Variants in ARHGAP23 observed in about 807,000 individuals in gnomAD.
ARHGAP23 encodes the protein Rho GTPase activating protein 23.
Under a neutral mutation model 136.3 loss-of-function variants are expected in ARHGAP23, and 34 were observed. The observed-to-expected ratio is 0.25, with a 90% CI of 0.19 to 0.33. ARHGAP23 has a LOEUF of 0.33. Ranked by LOEUF, ARHGAP23 falls within the 10% of genes least tolerant of loss-of-function variation. The pLI is 1.00. For missense variants in ARHGAP23, 1,808 were observed against 2,139.0 expected (o/e 0.85, Z 3.05); for synonymous variants, 832 against 920.5 (o/e 0.90, Z 1.74).
intron 15 of ARHGAP23, among the ~76,000 whole-genome samples, 166 bp downstream of exon 15, chr17:38,482,309 G>A (rs2040063921): frequency 6.6e-6 from 1 of 152,266 alleles, no homozygotes; most frequent in South Asian, 2.1e-4. Context: ...GCCTCCCAGG[G>A]AGGGAGCAGC....
intron 1 of ARHGAP23, among the ~76,000 whole-genome samples, chr17:38,438,530 T>A (rs1313291523): frequency 1.3e-5 from 2 of 151,950 alleles, no homozygotes. Flanking sequence ...ATCCCGCCCC[T>A]TCCCTCCCCC....
chr17:38,502,147 T>G (rs2040536297), intron 23 of ARHGAP23, among the ~76,000 whole-genome samples: 1 of 151,896 alleles, frequency 6.6e-6, no homozygotes, highest in Non-Finnish European at 1.5e-5. Context: ...CTACTAAAAA[T>G]ACAAAAAAAT....
intron 6 of ARHGAP23, among the ~76,000 whole-genome samples, chr17:38,464,537 T>A (rs1373082299): frequency 6.6e-6 from 1 of 152,134 alleles, no homozygotes. Flanking sequence ...TCTGGAAACC[T>A]CCACCCCTGA....
At chr17:38,428,417 C>A, upstream of ARHGAP23, 1 of 885,112 alleles carries the variant, frequency 1.1e-6, no homozygotes, top group Non-Finnish European at 1.5e-6. Context: ...CGCCCCCGGC[C>A]CCGCCCCTCC....
chr17:38,483,080 A>G (rs989541980), intron 16 of ARHGAP23, among the ~76,000 whole-genome samples: 4 of 152,168 alleles, frequency 2.6e-5, no homozygotes, highest in Admixed American at 2.6e-4. Context: ...TCTCTGTAGA[A>G]GGCAGAGGGT....
intron 2 of ARHGAP23, among the ~76,000 whole-genome samples, chr17:38,458,748 G>A (rs1305335425): frequency 6.6e-6 from 1 of 152,194 alleles, no homozygotes; most frequent in Non-Finnish European, 1.5e-5. Context: ...GGCCCCTGCT[G>A]GCCACAGCTC....
At position 38,485,940 on chromosome 17, in the gene ARHGAP23, C is replaced by G. The variant is rs184781042; in HGVS notation, c.2908-122C>G. 6,494 of 836,052 alleles carry G rather than the reference C, an allele frequency of 7.8e-3. 28 individuals are homozygous for G. Among genetic ancestry groups the G allele is most frequent in the Non-Finnish European group, 0.01 (5,294 of 521,076 alleles). 51.8% of individuals were successfully genotyped at this position (836,052 alleles called of 1,614,324 possible). A position where few individuals can be genotyped will look rare whatever the true frequency, so the allele number is the denominator to read the frequency against. ...TGCCACCATCCTGATGAGTAGAGAG[C>G]TTGGTCTAAGTAGGTCCCAGGGAGG... is the stretch of plus-strand genomic sequence containing the variant. On this transcript the variant is annotated intron_variant, in intron 16 of 23. Coordinates refer to ENST00000622683, the MANE Select transcript of ARHGAP23 (RefSeq NM_001199417.2).
chr17:38,482,368 G>A (rs1266335871), intron 15 of ARHGAP23, among the ~76,000 whole-genome samples, 155 bp from the exon 16 acceptor site: 1 of 152,242 alleles, frequency 6.6e-6, no homozygotes, highest in Non-Finnish European at 1.5e-5. Flanking sequence ...CGAGGCTTTG[G>A]TGTCATTTTT....
At chr17:38,428,246 C>G (rs2144471015), upstream of ARHGAP23, among the ~76,000 whole-genome samples, 1 of 152,194 alleles carries the variant, frequency 6.6e-6, no homozygotes, top group East Asian at 1.9e-4. Flanking sequence ...TGACGTCCAG[C>G]TCTCAGGCAG....
intron 1 of ARHGAP23, among the ~76,000 whole-genome samples, chr17:38,448,859 T>TTTTAA: frequency 1.0e-5 from 1 of 98,550 alleles, no homozygotes; most frequent in African/African-American, 5.8e-5. Flanking sequence ...TTGCCCAGCC[T>TTTTAA]TTTTTTTTTT....
chr17:38,481,762 A>G (rs896470399), intron 14 of ARHGAP23, among the ~76,000 whole-genome samples: 7 of 152,200 alleles, frequency 4.6e-5, no homozygotes, highest in African/African-American at 1.7e-4. Context: ...CTCTAAAGAA[A>G]CAAAGTTCTA....
rs1037664942 is a variant in ARHGAP23 at position 38,512,087 on chromosome 17, T to A, written c.*1115T>A. 7.9e-5 allele frequency: 12 copies of A among 152,224 alleles called. No homozygotes were observed. Among genetic ancestry groups the A allele is most frequent in the African/African-American group, 2.4e-4 (10 of 41,450 alleles). The allele number at this position is 152,224 out of a possible 1,614,324, so 9.4% of individuals were successfully genotyped here. On this transcript the variant is annotated 3_prime_UTR_variant, in exon 24 of 24. Transcript: ENST00000622683. ...TGCCACGTCTATCAGTCCTCTTGTTTTATGCAAAGATTTACTGTAAAGTAG... is the reference window on the plus strand; with the variant it reads ...TGCCACGTCTATCAGTCCTCTTGTTATATGCAAAGATTTACTGTAAAGTAG...
At chr17:38,432,154 T>C (rs2038699536) in intron 1 of ARHGAP23, among the ~76,000 whole-genome samples, 1 of 152,224 alleles carries the variant, frequency 6.6e-6, no homozygotes, top group South Asian at 2.1e-4. Context: ...TAGGAGTTAT[T>C]TGAGGCCGAG....
chr17:38,465,277 A>G (rs1357665893), intron 6 of ARHGAP23, among the ~76,000 whole-genome samples: 2 of 151,908 alleles, frequency 1.3e-5, no homozygotes, highest in East Asian at 3.9e-4. Flanking sequence ...TGTGCCTGGG[A>G]CTGGAGGTGT....
At chr17:38,507,065 G>A (rs1210466112) in intron 23 of ARHGAP23, among the ~76,000 whole-genome samples, 1 of 152,094 alleles carries the variant, frequency 6.6e-6, no homozygotes, top group African/African-American at 2.4e-5. Flanking sequence ...CTTGAGGCCA[G>A]GAGTTCAAGA....
At position 38,463,308 on chromosome 17, in the gene ARHGAP23, C is replaced by T. The variant is rs372088440; in HGVS notation, c.429-20C>T. 4.1e-5 allele frequency: 64 copies of T among 1,551,600 alleles called. No homozygotes were observed. Among genetic ancestry groups the T allele is most frequent in the African/African-American group, 3.6e-4 (26 of 73,048 alleles). ...GACCCTGTTCCTTGACCCAGCCTGA[C>T]GTTCTGCCTGTCTCTGTAGTGATGA... On this transcript the variant is annotated intron_variant, in intron 5 of 23. Transcript: ENST00000622683.
At chr17:38,489,619 C>T (rs2040228642) in intron 17 of ARHGAP23, 1 of 154,956 alleles carries the variant, frequency 6.5e-6, no homozygotes, top group Non-Finnish European at 1.4e-5. Flanking sequence ...TCCTGGCTGT[C>T]TTTGTGCGTT....
chr17:38,438,551 A>G (rs147594755), intron 1 of ARHGAP23, among the ~76,000 whole-genome samples: 1 of 152,268 alleles, frequency 6.6e-6, no homozygotes, highest in East Asian at 1.9e-4. Flanking sequence ...ATCAGGTCGT[A>G]TCCCTCATGC....
intron 11 of ARHGAP23, among the ~76,000 whole-genome samples, chr17:38,473,999 C>T (rs1252178841): frequency 2.0e-5 from 3 of 152,170 alleles, no homozygotes; most frequent in Non-Finnish European, 4.4e-5. Context: ...CAGCTCACTG[C>T]AACCTCCGCC....
Sources: gnomAD v4.1 joint callset for allele counts (sites outside exome capture counted in the v4.1 genomes callset) on GRCh38, gnomAD v4.1.1 for gene constraint, MANE v1.5 for transcripts, NCBI Gene and HGNC (gene_info 2026-07-23, HGNC 2026-07-21) for gene names.